GALK2: variants seen among roughly 807,000 people sequenced by gnomAD.
GALK2 encodes galactokinase 2, also known as N-acetylgalactosamine kinase.
A neutral mutation model predicts 52.4 loss-of-function variants in GALK2; 36 were observed. The observed-to-expected ratio is 0.69, with a 90% CI of 0.53 to 0.91. GALK2 has a LOEUF of 0.91. GALK2 is among the 40% of genes least tolerant of loss of function. The pLI is 0.00. For synonymous variants in GALK2, 176 were observed against 199.1 expected (o/e 0.88, Z 0.98); for missense variants, 579 against 559.1 (o/e 1.04, Z -0.36).
intron 3 of GALK2, chr15:49,366,198 G>A: frequency 1.2e-6 from 1 of 803,184 alleles, no homozygotes; most frequent in South Asian, 1.3e-5. Context: ...GGCCACGATG[G>A]AGAACACATT....
At position 49,254,942 on chromosome 15, in the gene GALK2, C is replaced by T. The variant is rs551022811; in HGVS notation, c.504+15575C>T. Among the ~76,000 whole-genome samples, 65 of 143,984 alleles carry T rather than the reference C, an allele frequency of 4.5e-4. 7 individuals carry two copies. Among genetic ancestry groups the T allele is most frequent in the African/African-American group, 1.6e-3 (64 of 40,372 alleles). 94.5% of individuals were successfully genotyped at this position (143,984 alleles called of 152,430 possible). A position where few individuals can be genotyped will look rare whatever the true frequency, so the allele number is the denominator to read the frequency against. On this transcript the variant is annotated intron_variant, in intron 5 of 9. Transcript: ENST00000560031. ...AAGAATAGGCAATGAACATGTATGT[C>T]TTTCACATAGATCCTTGGAAACATT...
chr15:49,261,113 G>A (rs1174492847), intron 5 of GALK2, among the ~76,000 whole-genome samples: 3 of 150,244 alleles, frequency 2.0e-5, no homozygotes, highest in Non-Finnish European at 4.4e-5. Context: ...GAAAGTCATT[G>A]GTAGCTTGAT....
At chr15:49,340,526 C>T (rs1371975541) in intron 3 of GALK2, among the ~76,000 whole-genome samples, 1 of 151,912 alleles carries the variant, frequency 6.6e-6, no homozygotes, top group Non-Finnish European at 1.5e-5. Context: ...TCTTCTGTGT[C>T]AATCTTGCTG....
intron 1 of GALK2, among the ~76,000 whole-genome samples, chr15:49,176,203 T>A (rs2085445709): frequency 6.6e-6 from 1 of 152,274 alleles, no homozygotes; most frequent in South Asian, 2.1e-4. Context: ...AAAGACCTTT[T>A]GTTCCTGACT....
intron 5 of GALK2, among the ~76,000 whole-genome samples, chr15:49,252,285 C>T (rs112982719): frequency 0.025 from 3,848 of 152,130 alleles, 92 homozygotes; most frequent in African/African-American, 0.051. Flanking sequence ...ATTATACACA[C>T]ACACACATAC....
intron 3 of GALK2, among the ~76,000 whole-genome samples, chr15:49,355,688 T>G (rs1238304503): frequency 1.3e-5 from 2 of 151,386 alleles, no homozygotes; most frequent in African/African-American, 2.4e-5. Context: ...CCAGGAGAAC[T>G]TCCCCAATCT....
chr15:49,311,183 G>T (rs1164084330), intron 8 of GALK2, among the ~76,000 whole-genome samples: 1 of 152,032 alleles, frequency 6.6e-6, no homozygotes, highest in African/African-American at 2.4e-5. Flanking sequence ...TTTTAACCAG[G>T]ATTCAACAAT....
intron 3 of GALK2, among the ~76,000 whole-genome samples, chr15:49,232,968 T>TG (rs1396555726): frequency 2.6e-5 from 4 of 152,206 alleles, no homozygotes; most frequent in African/African-American, 9.7e-5. Context: ...CCCTCCAAAT[T>TG]GGTCCAACCT....
intron 3 of GALK2, among the ~76,000 whole-genome samples, chr15:49,342,720 C>G (rs1486808836): frequency 6.6e-6 from 1 of 152,094 alleles, no homozygotes; most frequent in Non-Finnish European, 1.5e-5. Flanking sequence ...TGAGACAGGT[C>G]TAGTGGCAAT....
intron 3 of GALK2, among the ~76,000 whole-genome samples, chr15:49,359,943 C>T (rs536909871): frequency 2.0e-5 from 3 of 150,264 alleles, no homozygotes; most frequent in Non-Finnish European, 4.4e-5. Flanking sequence ...TTTGTATGGA[C>T]ATGGATGAAA....
intron 1 of GALK2, among the ~76,000 whole-genome samples, chr15:49,182,070 G>C (rs957628898): frequency 6.6e-5 from 10 of 151,988 alleles, no homozygotes; most frequent in African/African-American, 2.4e-4. Context: ...CTGTTATGCT[G>C]TCAAATAGTA....
intron 1 of GALK2, among the ~76,000 whole-genome samples, chr15:49,196,417 G>A (rs192407852): frequency 2.0e-5 from 3 of 152,192 alleles, no homozygotes; most frequent in Admixed American, 1.3e-4. Flanking sequence ...TTTGCAGGTA[G>A]GAAGACCTTT....
chr15:49,243,744 A>G (rs935275833), intron 5 of GALK2, among the ~76,000 whole-genome samples: 2 of 152,184 alleles, frequency 1.3e-5, no homozygotes, highest in African/African-American at 4.8e-5. Context: ...CTTGAAAAAT[A>G]ATAGTGTTAC....
At position 49,328,722 on chromosome 15, in the gene GALK2, T is replaced by C. The variant is rs750198502; in HGVS notation, c.*563T>C. 28 of 1,523,508 alleles carry C rather than the reference T, an allele frequency of 1.8e-5. No homozygotes were observed. The Admixed American group carries it at 2.7e-4, about 15-fold the overall frequency. 94.4% of individuals were successfully genotyped at this position (1,523,508 alleles called of 1,614,324 possible). A position where few individuals can be genotyped will look rare whatever the true frequency, so the allele number is the denominator to read the frequency against. On this transcript the variant is annotated 3_prime_UTR_variant, in exon 10 of 10. Transcript: ENST00000560031. Reference sequence around the variant, plus strand: ...AAAGTTTCACAGATCTTCTTGGACATTGTATAATTGAATTTGAATGTGAGA... The same window carrying C: ...AAAGTTTCACAGATCTTCTTGGACACTGTATAATTGAATTTGAATGTGAGA...
intron 2 of GALK2, among the ~76,000 whole-genome samples, chr15:49,203,512 C>T (rs1399666059): frequency 6.6e-6 from 1 of 152,154 alleles, no homozygotes; most frequent in African/African-American, 2.4e-5. Flanking sequence ...CTTTGCTGTG[C>T]AGAAGCTTTT....
intron 3 of GALK2, among the ~76,000 whole-genome samples, chr15:49,228,688 T>TATATATATATATATG: frequency 9.6e-5 from 1 of 10,444 alleles, no homozygotes; most frequent in Non-Finnish European, 1.8e-4. Flanking sequence ...TATATATATA[T>TATATATATATATATG]TTTTTTTTTT....
chr15:49,273,310 T>G (rs2031048349), intron 5 of GALK2, among the ~76,000 whole-genome samples: 1 of 152,196 alleles, frequency 6.6e-6, no homozygotes, highest in South Asian at 2.1e-4. Flanking sequence ...TTTTCTAGTT[T>G]CTGCTTATTT....
intron 3 of GALK2, among the ~76,000 whole-genome samples, chr15:49,366,845 G>A (rs1463732345): frequency 2.6e-5 from 4 of 152,156 alleles, no homozygotes; most frequent in Admixed American, 2.6e-4. Context: ...CTAATTTAGT[G>A]GCTAGTGTTC....
At chr15:49,174,218 A>G (rs778878789) in intron 1 of GALK2, among the ~76,000 whole-genome samples, 1 of 152,158 alleles carries the variant, frequency 6.6e-6, no homozygotes, top group Non-Finnish European at 1.5e-5. Context: ...ATTCTTGTGA[A>G]TTTTTTAAAG....
Sources: gnomAD v4.1 joint callset for allele counts (sites outside exome capture counted in the v4.1 genomes callset) on GRCh38, gnomAD v4.1.1 for gene constraint, MANE v1.5 for transcripts, NCBI Gene and HGNC (gene_info 2026-07-23, HGNC 2026-07-21) for gene names.